Variants in MAP3K9 observed in about 807,000 individuals in gnomAD.
The protein encoded by MAP3K9 is mixed lineage kinase 1 (tyr and ser/thr specificity).
MAP3K9 carries 46 observed loss-of-function variants against 95.8 expected under a neutral mutation model. The ratio of observed to expected loss-of-function variants is 0.48; its 90% confidence interval spans 0.38 to 0.61. MAP3K9 has a LOEUF of 0.61. MAP3K9 is among the 20% of genes least tolerant of loss of function. MAP3K9 has a pLI of 0.00. For missense variants in MAP3K9, 1,296 were observed against 1,474.3 expected, an observed-to-expected ratio of 0.88 and a Z score of 1.98; for synonymous variants, 533 against 593.8, an observed-to-expected ratio of 0.90 and a Z score of 1.49.
intron 8 of MAP3K9, among the ~76,000 whole-genome samples, chr14:70,737,782 T>TG: frequency 6.6e-6 from 1 of 152,350 alleles, no homozygotes; most frequent in Middle Eastern, 3.4e-3. Flanking sequence ...CAGAACACCC[T>TG]GGCAGAACTT....
chr14:70,735,130 G>A (rs1269734985), intron 9 of MAP3K9, among the ~76,000 whole-genome samples: 1 of 152,238 alleles, frequency 6.6e-6, no homozygotes, highest in Non-Finnish European at 1.5e-5. Flanking sequence ...TGGTCTGTCT[G>A]GGGGTGGAGA....
intron 2 of MAP3K9, among the ~76,000 whole-genome samples, chr14:70,797,041 T>G (rs547141790): frequency 6.6e-6 from 1 of 152,356 alleles, no homozygotes; most frequent in East Asian, 1.9e-4. Context: ...GCAAATGACT[T>G]TTTAAAGTAG....
At chr14:70,741,180 T>C (rs1418057008) in intron 6 of MAP3K9, among the ~76,000 whole-genome samples, 1 of 152,164 alleles carries the variant, frequency 6.6e-6, no homozygotes, top group Admixed American at 6.6e-5. Context: ...AACCTCCGCC[T>C]CCCAGGTTCA....
rs1201529344 is a variant in MAP3K9, at chr14:70,730,645, C to T, written c.3050G>A (p.Ser1017Asn). 2 of 1,613,844 alleles carry T rather than the reference C, an allele frequency of 1.2e-6. No homozygotes were observed. The highest frequency in any genetic ancestry group is 1.7e-6 in the Non-Finnish European group (2 of 1,180,034). The part of the protein sequence containing the change: ...WWFVSPSHAR[S>N]TSPANSSSTE... Reference sequence around the variant, plus strand: ...GCTGGAGCTGTTGGCTGGGGAGGTGCTGCGGGCATGGCTGGGGGACACAAA... The same window carrying T: ...GCTGGAGCTGTTGGCTGGGGAGGTGTTGCGGGCATGGCTGGGGGACACAAA... Residue 1017 changes from serine to asparagine, a missense_variant, in exon 12 of 12, where the codon AGC becomes AAC. By Grantham distance (46) the Ser-to-Asn change is conservative (BLOSUM62 1). This residue lies in a region of MAP3K9 where 433 missense variants were observed against 441.4 expected (regional missense o/e 0.98). Coordinates refer to ENST00000554752, the MANE Select transcript of MAP3K9 (RefSeq NM_001284230.2).
chr14:70,800,348 C>T (rs1220716233), intron 2 of MAP3K9, among the ~76,000 whole-genome samples: 5 of 152,120 alleles, frequency 3.3e-5, no homozygotes, highest in Non-Finnish European at 5.9e-5. Flanking sequence ...AATATTCACA[C>T]TTCCCACAAG....
At chr14:70,760,403 T>C (rs1424943832) in intron 3 of MAP3K9, among the ~76,000 whole-genome samples, 2 of 152,318 alleles carry the variant, frequency 1.3e-5, no homozygotes, top group East Asian at 1.9e-4. Flanking sequence ...ATTTCTAGTC[T>C]GCGGCTTTGC....
At chr14:70,742,282 C>T in intron 6 of MAP3K9, 69 bp downstream of exon 6, 1 of 1,568,244 alleles carries the variant, frequency 6.4e-7, no homozygotes, top group Non-Finnish European at 8.6e-7. Flanking sequence ...GTCCCGGACT[C>T]CCTCAAACCC....
intron 2 of MAP3K9, among the ~76,000 whole-genome samples, chr14:70,786,593 G>C (rs886568501): frequency 6.6e-6 from 1 of 152,202 alleles, no homozygotes; most frequent in Middle Eastern, 3.4e-3. Flanking sequence ...CTGGTTCCTC[G>C]AATGGGGTAC....
Position 70,732,759 on chromosome 14 carries a change from AG to A in MAP3K9, c.2609del (p.Pro870LeufsTer3), listed in dbSNP as rs1204036755. On this transcript the variant is annotated frameshift_variant, in exon 11 of 12. Transcript: ENST00000554752. LOFTEE classifies it high-confidence loss of function. ...YEMPVSPVEA[P>X]PLSPCTHNPL... is the part of the protein sequence containing the mutation. ...GGTTGTGGGTACATGGACTCAGGGGAGGGGCCTCGACTGGGCTGACTGGCAT... is the reference window on the plus strand; with the variant it reads ...GGTTGTGGGTACATGGACTCAGGGGAGGGCCTCGACTGGGCTGACTGGCAT... 6.2e-7 allele frequency: 1 copy of A among 1,611,384 alleles called. No individual in the cohort carries two copies. Among genetic ancestry groups the A allele is most frequent in the South Asian group, 1.1e-5 (1 of 90,814 alleles).
intron 3 of MAP3K9, 59 bp downstream of exon 3, chr14:70,760,943 A>T (rs1243961016): frequency 6.4e-7 from 1 of 1,569,244 alleles, no homozygotes; most frequent in African/African-American, 1.4e-5. Context: ...CAAGTCTTGA[A>T]ATGTGTGTGC....
intron 2 of MAP3K9, among the ~76,000 whole-genome samples, chr14:70,764,849 A>G (rs2054427680): frequency 6.6e-6 from 1 of 152,166 alleles, no homozygotes; most frequent in Non-Finnish European, 1.5e-5. Flanking sequence ...AAACAAACAA[A>G]CAACAAAAAA....
intron 5 of MAP3K9, 26 bp downstream of exon 5, chr14:70,748,803 T>G: frequency 5.1e-6 from 8 of 1,576,928 alleles, no homozygotes; most frequent in Non-Finnish European, 6.9e-6. Context: ...CGTTCGTTTT[T>G]TTGTTGTTTT....
At chr14:70,771,690 C>A (rs1264917481) in intron 2 of MAP3K9, among the ~76,000 whole-genome samples, 2 of 152,114 alleles carry the variant, frequency 1.3e-5, no homozygotes, top group East Asian at 3.9e-4. Flanking sequence ...GCCAGCCAAG[C>A]CCCACCATCC....
chr14:70,790,406 T>C (rs1310041546), intron 2 of MAP3K9, among the ~76,000 whole-genome samples: 7 of 152,214 alleles, frequency 4.6e-5, no homozygotes, highest in Non-Finnish European at 8.8e-5. Context: ...AGAGACCACC[T>C]GTCCAAACCC....
chr14:70,732,649 G>C lies in MAP3K9; in HGVS notation c.2720C>G (p.Ser907Trp). The stretch of plus-strand genomic sequence containing the variant: ...AGTCCGCCGGTGACTGCTGGGCTGC[G>C]AGGGGGTGGTGAGGGTGACATGGGT... ...TPTHVTLTTP[S>W]QPSSHRRTPS... Residue 907 changes from serine (S) to tryptophan (W), a missense_variant, in exon 11 of 12, where the codon TCG becomes TGG. Coordinates refer to ENST00000554752, the MANE Select transcript of MAP3K9 (RefSeq NM_001284230.2). 3.1e-6 allele frequency: 5 copies of C among 1,606,260 alleles called. No homozygotes were observed. The highest frequency in any genetic ancestry group is 4.3e-6 in the Non-Finnish European group (5 of 1,175,562).
intron 2 of MAP3K9, among the ~76,000 whole-genome samples, chr14:70,790,919 T>G (rs563077875): frequency 6.6e-6 from 1 of 152,246 alleles, no homozygotes; most frequent in South Asian, 2.1e-4. Context: ...GGAATGGAAA[T>G]TTTTCCAAGA....
chr14:70,808,453 A>G (rs968745110), intron 1 of MAP3K9, among the ~76,000 whole-genome samples: 6 of 151,856 alleles, frequency 4.0e-5, no homozygotes, highest in Non-Finnish European at 8.8e-5. Context: ...GGGGTGGGTA[A>G]GAGAAGGGAC....
At chr14:70,765,735 T>TAAAAAAAAAAAAAAC (rs1566749862) in intron 2 of MAP3K9, among the ~76,000 whole-genome samples, 3 of 122,340 alleles carry the variant, frequency 2.5e-5, no homozygotes, top group Non-Finnish European at 3.3e-5. Flanking sequence ...CAACAACAGC[T>TAAAAAAAAAAAAAAC]AAAAAAAAAA....
Position 70,809,311 on chromosome 14 carries a change from G to C in MAP3K9, c.-140C>G. ...AGGTAGGGCCCGGGCTGGCAGGGCT[G>C]GGAGAGCCGGCTCGCCGGCGCTGTT... On this transcript the variant is annotated 5_prime_UTR_variant, in exon 1 of 12. Transcript: ENST00000554752. 9.1e-7 allele frequency: 1 copy of C among 1,096,090 alleles called. No homozygotes were observed. Among genetic ancestry groups the C allele is most frequent in the East Asian group, 3.2e-5 (1 of 30,830 alleles). 67.9% of individuals were successfully genotyped at this position (1,096,090 alleles called of 1,614,324 possible). A position where few individuals can be genotyped will look rare whatever the true frequency, so the allele number is the denominator to read the frequency against.
Sources: gnomAD v4.1 joint callset for allele counts (sites outside exome capture counted in the v4.1 genomes callset) on GRCh38, gnomAD v4.1.1 for gene constraint, gnomAD v4.1.1 regional missense constraint, MANE v1.5 for transcripts, NCBI Gene and HGNC (gene_info 2026-07-23, HGNC 2026-07-21) for gene names.